ALG5: variants seen among roughly 807,000 people sequenced by gnomAD.
ALG5 encodes dolichyl-phosphate beta-glucosyltransferase.
A neutral mutation model predicts 51.8 loss-of-function variants in ALG5; 26 were observed. The observed-to-expected ratio is 0.50, with a 90% CI of 0.37 to 0.70. The LOEUF (loss-of-function observed/expected upper bound fraction) is 0.70. ALG5 is among the 30% of genes least tolerant of loss of function. ALG5 has a pLI of 0.00. For synonymous variants in ALG5, 141 were observed against 136.1 expected, an observed-to-expected ratio of 1.04 and a Z score of -0.25; for missense variants, 311 against 399.3, an observed-to-expected ratio of 0.78 and a Z score of 1.88.
intron 8 of ALG5, among the ~76,000 whole-genome samples, chr13:36,956,465 T>C (rs907753715): frequency 1.3e-5 from 2 of 152,150 alleles, no homozygotes; most frequent in Non-Finnish European, 2.9e-5. Flanking sequence ...GGTCCAGAAA[T>C]CTCACTTTTG....
intron 3 of ALG5, among the ~76,000 whole-genome samples, chr13:36,994,100 AT>A (rs992774331): frequency 1.3e-5 from 2 of 152,204 alleles, no homozygotes; most frequent in African/African-American, 4.8e-5. Context: ...CTATTTTCTG[AT>A]TAAAAAAAGA....
intron 6 of ALG5, among the ~76,000 whole-genome samples, chr13:36,972,308 AATACT>A (rs909515287): frequency 3.2e-4 from 49 of 152,288 alleles, no homozygotes; most frequent in African/African-American, 1.2e-3. Flanking sequence ...TCTGTGTGAA[AATACT>A]ATATTATTTG....
At chr13:36,973,208 T>C (rs1488545698) in intron 6 of ALG5, among the ~76,000 whole-genome samples, 2 of 151,544 alleles carry the variant, frequency 1.3e-5, no homozygotes, top group Non-Finnish European at 2.9e-5. Flanking sequence ...AAAGGATGAC[T>C]CATCACAAAA....
chr13:36,953,108 T>C (rs1433227648), intron 8 of ALG5, among the ~76,000 whole-genome samples: 1 of 152,192 alleles, frequency 6.6e-6, no homozygotes, highest in Non-Finnish European at 1.5e-5. Context: ...TCCTTGTCTT[T>C]TCTGTTCCCC....
intron 8 of ALG5, among the ~76,000 whole-genome samples, chr13:36,962,926 T>C (rs746667887): frequency 6.6e-6 from 1 of 152,154 alleles, no homozygotes; most frequent in Non-Finnish European, 1.5e-5. Context: ...TGGAAATATA[T>C]TGGATAACAA....
intron 4 of ALG5, among the ~76,000 whole-genome samples, chr13:36,990,607 C>G (rs556027340): frequency 1.4e-5 from 2 of 145,086 alleles, no homozygotes; most frequent in Admixed American, 7.0e-5. Flanking sequence ...AATCTCACGT[C>G]TGTTTAGAGC....
intron 6 of ALG5, among the ~76,000 whole-genome samples, chr13:36,983,380 G>A (rs1024068628): frequency 3.9e-5 from 6 of 152,144 alleles, no homozygotes; most frequent in Non-Finnish European, 8.8e-5. Flanking sequence ...TTTAGTAAGA[G>A]TGAACTACAA....
intron 8 of ALG5, among the ~76,000 whole-genome samples, chr13:36,956,530 A>G (rs1409860977): frequency 6.6e-6 from 1 of 152,222 alleles, no homozygotes; most frequent in African/African-American, 2.4e-5. Flanking sequence ...CTGCACTCTC[A>G]TGTTCACTGC....
intron 6 of ALG5, among the ~76,000 whole-genome samples, chr13:36,984,005 T>C (rs2058991073): frequency 6.6e-6 from 1 of 152,280 alleles, no homozygotes; most frequent in African/African-American, 2.4e-5. Context: ...AATAAATATG[T>C]AATAATATTC....
At chr13:36,990,955 G>C (rs948523883) in intron 4 of ALG5, among the ~76,000 whole-genome samples, 2 of 152,068 alleles carry the variant, frequency 1.3e-5, no homozygotes, top group African/African-American at 4.8e-5. Flanking sequence ...AAAGTTATAC[G>C]AGTAGCCTTT....
At chr13:36,961,250 C>T (rs1427352524) in intron 8 of ALG5, among the ~76,000 whole-genome samples, 3 of 151,616 alleles carry the variant, frequency 2.0e-5, no homozygotes, top group Non-Finnish European at 4.4e-5. Flanking sequence ...TCTGTCTCTA[C>T]AAAAAAATAC....
chr13:36,980,251 TTGAGACA>T (rs1300935194), intron 6 of ALG5, among the ~76,000 whole-genome samples: 1 of 152,152 alleles, frequency 6.6e-6, no homozygotes, highest in Non-Finnish European at 1.5e-5. Flanking sequence ...TTATTATTTT[TTGAGACA>T]GAGTCTCTCT....
At chr13:36,958,515 C>T (rs1413442635) in intron 8 of ALG5, among the ~76,000 whole-genome samples, 53 of 152,106 alleles carry the variant, frequency 3.5e-4, no homozygotes, top group Admixed American at 3.1e-3. Context: ...GCCCATGCTC[C>T]GATGTTGATG....
Position 36,980,277 on chromosome 13 carries a change from C to A in ALG5, c.561+5350G>T, listed in dbSNP as rs187095720. ...TGAGACAGAGTCTCTCTCTGTTGAC[C>A]AAGGTGGAGTGCAGTGGCGCAGTCC... On this transcript the variant is annotated intron_variant, in intron 6 of 9. Coordinates refer to ENST00000239891, the MANE Select transcript of ALG5 (RefSeq NM_013338.5). 2.5e-3 allele frequency among the ~76,000 whole-genome samples: 387 copies of A among 152,076 alleles called. 2 individuals carry two copies. The highest frequency in any genetic ancestry group is 4.1e-3 in the Non-Finnish European group (276 of 67,996).
At chr13:36,988,862 CTTTTT>C (rs931277280) in intron 5 of ALG5, among the ~76,000 whole-genome samples, 4 of 152,096 alleles carry the variant, frequency 2.6e-5, no homozygotes, top group African/African-American at 9.7e-5. Flanking sequence ...CTTTAGACTT[CTTTTT>C]ATGAGGGAAA....
At chr13:36,975,673 T>C (rs565196234) in intron 6 of ALG5, among the ~76,000 whole-genome samples, 5 of 152,324 alleles carry the variant, frequency 3.3e-5, no homozygotes, top group African/African-American at 9.6e-5. Flanking sequence ...ATTTCCTTCT[T>C]TGGAGTCATA....
At chr13:36,972,731 G>A (rs1227150551) in intron 6 of ALG5, among the ~76,000 whole-genome samples, 2 of 152,098 alleles carry the variant, frequency 1.3e-5, no homozygotes, top group African/African-American at 4.8e-5. Context: ...GGTGGCTCAC[G>A]CCTGTAATCG....
In ALG5 at chr13:36,974,712, G is replaced by GCC. The variant is rs754668806; in HGVS notation, c.562-2678_562-2677dup. Among the ~76,000 whole-genome samples the GCC allele has an allele frequency of 3.6e-3, 550 of 151,056 alleles. 1 individual carries two copies. Among genetic ancestry groups the GCC allele is most frequent in the Non-Finnish European group, 4.4e-3 (299 of 67,696 alleles). Reference sequence around the variant, plus strand: ...CATTGCCAATCTTGTTCTATGTAAAGCCCCCCCACCACCATCCCACCCAAC... The same window carrying GCC: ...CATTGCCAATCTTGTTCTATGTAAAGCCCCCCCCCACCACCATCCCACCCAAC... On this transcript the variant is annotated intron_variant, in intron 6 of 9. Coordinates refer to ENST00000239891, the MANE Select transcript of ALG5 (RefSeq NM_013338.5).
intron 7 of ALG5, among the ~76,000 whole-genome samples, chr13:36,968,780 GA>G (rs2058907085): frequency 6.6e-6 from 1 of 152,210 alleles, no homozygotes; most frequent in African/African-American, 2.4e-5. Flanking sequence ...GACAGCACAC[GA>G]AGGGAAATGG....
Sources: gnomAD v4.1 joint callset for allele counts (sites outside exome capture counted in the v4.1 genomes callset) on GRCh38, gnomAD v4.1.1 for gene constraint, MANE v1.5 for transcripts, NCBI Gene and HGNC (gene_info 2026-07-23, HGNC 2026-07-21) for gene names.